The following UBE4B variants were observed in gnomAD, a reference collection of about 807,000 sequenced individuals.
UBE4B encodes ubiquitin conjugation factor E4 B.
Under a neutral mutation model 148.1 loss-of-function variants are expected in UBE4B, and 27 were observed. The ratio of observed to expected loss-of-function variants is 0.18; its 90% CI spans 0.13 to 0.25. The LOEUF is 0.25. Ranked by LOEUF, UBE4B falls within the 10% of genes least tolerant of loss-of-function variation. The pLI, the probability that UBE4B is intolerant of heterozygous loss-of-function variation, is 1.00. For synonymous variants in UBE4B, 596 were observed against 619.3 expected (o/e 0.96, Z 0.56); for missense variants, 1,170 against 1,662.4 (o/e 0.70, Z 5.15).
Position 10,132,251 on chromosome 1 carries a change from A to G in UBE4B, c.1912-118A>G, listed in dbSNP as rs539520566. On this transcript the variant is annotated intron_variant, in intron 14 of 27. Coordinates refer to ENST00000343090, the MANE Select transcript of UBE4B (RefSeq NM_001105562.3). ...ATTCTTTCACTCAGGCTCTTCTAAA[A>G]TGAGTAGAAGTGGGAGAGGAGAGAA... is the stretch of plus-strand genomic sequence containing the variant. 16 of 672,316 alleles carry G rather than the reference A, an allele frequency of 2.4e-5. 1 individual carries two copies. Among genetic ancestry groups the G allele is most frequent in the South Asian group, 1.5e-4 (8 of 52,334 alleles). 41.6% of individuals were successfully genotyped at this position (672,316 alleles called of 1,614,324 possible).
At chr1:10,179,760 C>T in intron 27 of UBE4B, 135 bp from the exon 28 acceptor site, 1 of 1,360,020 alleles carries the variant, frequency 7.4e-7, no homozygotes, top group South Asian at 1.3e-5. Flanking sequence ...TCTCATGTCC[C>T]AGTCCTTCTG....
At chr1:10,061,615 T>C (rs1351869861) in intron 1 of UBE4B, among the ~76,000 whole-genome samples, 1 of 152,038 alleles carries the variant, frequency 6.6e-6, no homozygotes, top group African/African-American at 2.4e-5. Context: ...TTTTAAGATT[T>C]TTTGGGGTAA....
At chr1:10,140,879 G>T (rs994441553) in intron 17 of UBE4B, among the ~76,000 whole-genome samples, 2 of 152,156 alleles carry the variant, frequency 1.3e-5, no homozygotes, top group Admixed American at 1.3e-4. Flanking sequence ...CTCTGAATTA[G>T]ATCAAAGAAT....
At chr1:10,054,641 G>T in intron 1 of UBE4B, 1 of 257,912 alleles carries the variant, frequency 3.9e-6, no homozygotes, top group Non-Finnish European at 7.7e-6. Context: ...TGGCAAGACT[G>T]TTGCCATTGT....
At position 10,106,951 on chromosome 1, in the gene UBE4B, G is replaced by C. The variant is rs1007109024; in HGVS notation, c.1196+368G>C. Reference sequence around the variant, plus strand: ...TTTTTTACTTCTGGTGAGTGGGGTGGGTCGGTTCATGTCCTGACGTGTTGA... The same window carrying C: ...TTTTTTACTTCTGGTGAGTGGGGTGCGTCGGTTCATGTCCTGACGTGTTGA... On this transcript the variant is annotated intron_variant, in intron 7 of 27. Coordinates refer to ENST00000343090, the MANE Select transcript of UBE4B (RefSeq NM_001105562.3). The surrounding 1 kb of genome is among the most constrained non-coding windows in gnomAD (Gnocchi z 4.2). Among the ~76,000 whole-genome samples the C allele has an allele frequency of 6.6e-6, 1 of 152,080 alleles. No individual in the cohort carries two copies.
intron 2 of UBE4B, among the ~76,000 whole-genome samples, chr1:10,093,914 C>T (rs1185143897): frequency 2.0e-5 from 3 of 152,036 alleles, no homozygotes; most frequent in African/African-American, 4.8e-5. Flanking sequence ...ATGCTGGTCT[C>T]GAACTCCTGA....
chr1:10,073,961 T>C (rs1185691921), intron 2 of UBE4B, among the ~76,000 whole-genome samples: 3 of 141,590 alleles, frequency 2.1e-5, no homozygotes, highest in African/African-American at 8.0e-5. Context: ...GAGGTCTCAC[T>C]GGGTTGCCCA....
intron 1 of UBE4B, among the ~76,000 whole-genome samples, chr1:10,051,608 A>C (rs1258034932): frequency 6.6e-6 from 1 of 152,158 alleles, no homozygotes; most frequent in African/African-American, 2.4e-5. Flanking sequence ...CACTGCTACC[A>C]CTTTTTCTAA....
chr1:10,130,236 G>T (rs1460034841), intron 12 of UBE4B, among the ~76,000 whole-genome samples: 1 of 151,862 alleles, frequency 6.6e-6, no homozygotes, highest in South Asian at 2.1e-4. Context: ...CACCACGCCC[G>T]GCTAATTTTT....
At chr1:10,137,020 G>T in intron 16 of UBE4B, 47 bp from the exon 17 acceptor site, 1 of 1,603,124 alleles carries the variant, frequency 6.2e-7, no homozygotes, top group South Asian at 1.1e-5. Context: ...TTCTCTGATT[G>T]AGACATGTAA....
At chr1:10,178,347 TC>T (rs1456009759) in intron 25 of UBE4B, among the ~76,000 whole-genome samples, 1 of 151,430 alleles carries the variant, frequency 6.6e-6, no homozygotes, top group Non-Finnish European at 1.5e-5. Flanking sequence ...CTGTAAAAAT[TC>T]AAAAAAAAAG....
chr1:10,095,265 A>C lies in UBE4B; in HGVS notation c.212-196A>C, dbSNP rs144922095. Among the ~76,000 whole-genome samples the C allele has an allele frequency of 7.5e-3, 1,140 of 152,242 alleles. 6 individuals carry two copies. The highest frequency in any genetic ancestry group is 0.035 in the South Asian group (171 of 4,820). On this transcript the variant is annotated intron_variant, in intron 2 of 27. Transcript: ENST00000343090. ...TGACCTCATATGAAGTATATTGATA[A>C]CTTATGATTTCTTAGTAATGTTCCT...
chr1:10,117,361 G>A, intron 7 of UBE4B, 98 bp from the exon 8 acceptor site: 6 of 1,525,004 alleles, frequency 3.9e-6, no homozygotes, highest in Non-Finnish European at 5.4e-6. Flanking sequence ...TTTGTTATGT[G>A]TACAGGGATC....
At position 10,103,717 on chromosome 1, in the gene UBE4B, A is replaced by G. The variant is rs777968249; in HGVS notation, c.580+625A>G. ...GCAGTCTTGGCTCACTGCAACTCCC[A>G]CCTCCTGGGTTCAAGCAATTCTCCA... On this transcript the variant is annotated intron_variant, in intron 5 of 27. Coordinates refer to ENST00000343090, the MANE Select transcript of UBE4B (RefSeq NM_001105562.3). Among the ~76,000 whole-genome samples, 91 of 139,574 alleles carry G rather than the reference A, an allele frequency of 6.5e-4. 1 individual carries two copies. Among genetic ancestry groups the G allele is most frequent in the African/African-American group, 2.3e-3 (86 of 36,934 alleles). The allele number at this position is 139,574 out of a possible 152,430, so 91.6% of individuals were successfully genotyped here. A position where few individuals can be genotyped will look rare whatever the true frequency, so the allele number is the denominator to read the frequency against.
chr1:10,107,522 T>A (rs1645135358), intron 7 of UBE4B: 1 of 772,444 alleles, frequency 1.3e-6, no homozygotes, highest in Non-Finnish European at 1.7e-6. Flanking sequence ...GTTCAGACCT[T>A]CTCATGGGAT....
chr1:10,076,400 T>C (rs889139639), intron 2 of UBE4B, among the ~76,000 whole-genome samples: 1 of 152,014 alleles, frequency 6.6e-6, no homozygotes, highest in Non-Finnish European at 1.5e-5. Flanking sequence ...CCCACCACCA[T>C]GCCTAGCTAA....
intron 1 of UBE4B, among the ~76,000 whole-genome samples, chr1:10,045,041 G>A (rs1643885315): frequency 1.3e-5 from 2 of 152,284 alleles, no homozygotes; most frequent in Non-Finnish European, 2.9e-5. Flanking sequence ...ATCAGGCATT[G>A]GATTCTCCTA....
chr1:10,052,317 C>T (rs562956627), intron 1 of UBE4B, among the ~76,000 whole-genome samples: 65 of 152,172 alleles, frequency 4.3e-4, no homozygotes, highest in African/African-American at 1.1e-3. Context: ...AATGATCCTC[C>T]GGCCTTAGCC....
chr1:10,154,266 A>G (rs1557601694), intron 21 of UBE4B, among the ~76,000 whole-genome samples: 1 of 151,820 alleles, frequency 6.6e-6, no homozygotes, highest in African/African-American at 2.4e-5. Flanking sequence ...AAACAAAACA[A>G]AACAAAATTA....
Sources: gnomAD v4.1 joint callset for allele counts (sites outside exome capture counted in the v4.1 genomes callset) on GRCh38, gnomAD v4.1.1 for gene constraint, Gnocchi (gnomAD v3.1) non-coding constraint, MANE v1.5 for transcripts, NCBI Gene and HGNC (gene_info 2026-07-23, HGNC 2026-07-21) for gene names.